The following GRM1 variants were observed in gnomAD, a reference collection of about 807,000 sequenced individuals.
GRM1 encodes metabotropic glutamate receptor 1.
GRM1 carries 33 observed loss-of-function variants against 90.9 expected under a neutral mutation model. That is an observed-to-expected ratio of 0.36 (90% confidence interval 0.28 to 0.49). GRM1 has a LOEUF of 0.49. GRM1 is among the 20% of genes least tolerant of loss of function. The pLI is 0.99. For synonymous variants in GRM1, 700 were observed against 613.2 expected (o/e 1.14, Z -2.09); for missense variants, 1,190 against 1,534.3 (o/e 0.78, Z 3.75).
At chr6:146,146,145 G>A (rs183637784) in intron 1 of GRM1, among the ~76,000 whole-genome samples, 8 of 54,244 alleles carry the variant, frequency 1.5e-4, no homozygotes, top group African/African-American at 4.3e-4. Flanking sequence ...TTTTTGAGAC[G>A]TGGCGCCATC....
chr6:146,346,258 G>T (rs952336301), intron 3 of GRM1, among the ~76,000 whole-genome samples: 8 of 152,324 alleles, frequency 5.3e-5, no homozygotes, highest in African/African-American at 1.9e-4. Context: ...TTTAACAATA[G>T]ATTGGAATGA....
chr6:146,080,672 G>A (rs1776335958), intron 1 of GRM1, among the ~76,000 whole-genome samples: 1 of 152,186 alleles, frequency 6.6e-6, no homozygotes, highest in East Asian at 1.9e-4. Flanking sequence ...GTGTGGGATG[G>A]GGTTGGGTGG....
At position 146,173,569 on chromosome 6, in the gene GRM1, TA is replaced by T. The variant is rs1778223192; in HGVS notation, c.950+13977del. ...CCACTGCCTTAATCATTCTAGACAG[TA>T]AAAATAAATAACTTCTCTCACTGAT... On this transcript the variant is annotated intron_variant, in intron 2 of 7. Transcript: ENST00000282753. Among the ~76,000 whole-genome samples the T allele has an allele frequency of 1.3e-5, 2 of 151,934 alleles. 1 individual carries two copies. Among genetic ancestry groups the T allele is most frequent in the South Asian group, 4.1e-4 (2 of 4,822 alleles).
At chr6:146,304,174 C>T (rs1296698145) in intron 2 of GRM1, among the ~76,000 whole-genome samples, 1 of 152,110 alleles carries the variant, frequency 6.6e-6, no homozygotes, top group African/African-American at 2.4e-5. Context: ...TGTAAGGTAG[C>T]TCATGTAATG....
At chr6:146,325,546 G>A (rs1302945489) in intron 3 of GRM1, among the ~76,000 whole-genome samples, 2 of 152,182 alleles carry the variant, frequency 1.3e-5, no homozygotes, top group African/African-American at 2.4e-5. Flanking sequence ...CAGCCTGGCT[G>A]TACCATGCTC....
intron 1 of GRM1, among the ~76,000 whole-genome samples, chr6:146,049,431 T>G (rs1225751951): frequency 2.0e-5 from 3 of 152,034 alleles, no homozygotes; most frequent in African/African-American, 7.2e-5. Context: ...GATTTACGAC[T>G]TTGAACTCCA....
At chr6:146,335,000 G>GA (rs1262214274) in intron 3 of GRM1, among the ~76,000 whole-genome samples, 2 of 152,050 alleles carry the variant, frequency 1.3e-5, no homozygotes, top group Non-Finnish European at 2.9e-5. Context: ...AATTTAATGA[G>GA]AAAAAATTAT....
chr6:146,167,108 T>G (rs1777937801), intron 2 of GRM1, among the ~76,000 whole-genome samples: 1 of 152,116 alleles, frequency 6.6e-6, no homozygotes, highest in South Asian at 2.1e-4. Flanking sequence ...ACTTTGGCTT[T>G]TTCTAGAATT....
intron 1 of GRM1, among the ~76,000 whole-genome samples, chr6:146,134,275 GT>G (rs1776522365): frequency 6.6e-6 from 1 of 152,226 alleles, no homozygotes; most frequent in African/African-American, 2.4e-5. Flanking sequence ...AAAATGGCAT[GT>G]TGTGGGTTTC....
At chr6:146,333,809 T>A (rs1013607729) in intron 3 of GRM1, among the ~76,000 whole-genome samples, 5 of 151,972 alleles carry the variant, frequency 3.3e-5, no homozygotes, top group African/African-American at 1.2e-4. Context: ...CCTAGAAAGG[T>A]TTATGAGCTG....
chr6:146,289,372 G>A lies in GRM1; in HGVS notation c.951-15239G>A, dbSNP rs545013092. Reference sequence around the variant, plus strand: ...TAAAAAGTGACGTAATTAGAAAAACGTCTATGGAATAAAGATATAAAAAAT... The same window carrying A: ...TAAAAAGTGACGTAATTAGAAAAACATCTATGGAATAAAGATATAAAAAAT... On this transcript the variant is annotated intron_variant, in intron 2 of 7. Transcript: ENST00000282753. Among the ~76,000 whole-genome samples the A allele has an allele frequency of 1.1e-4, 16 of 152,206 alleles. No individual in the cohort carries two copies. The East Asian group carries it at 1.7e-3, about 17-fold the overall frequency.
intron 2 of GRM1, among the ~76,000 whole-genome samples, chr6:146,279,383 C>T (rs1485937212): frequency 6.6e-6 from 1 of 151,938 alleles, no homozygotes; most frequent in East Asian, 1.9e-4. Context: ...TATTAATTTG[C>T]TAGGTTACTA....
chr6:146,065,890 G>A (rs1192508918), intron 1 of GRM1, among the ~76,000 whole-genome samples: 1 of 152,034 alleles, frequency 6.6e-6, no homozygotes, highest in Non-Finnish European at 1.5e-5. Flanking sequence ...GCTCCATGTG[G>A]TTGTATAAGT....
intron 1 of GRM1, among the ~76,000 whole-genome samples, chr6:146,039,084 A>G (rs190572291): frequency 8.5e-5 from 13 of 152,120 alleles, no homozygotes; most frequent in Admixed American, 2.0e-4. Context: ...GACCAATGCT[A>G]TAGTCATTGA....
At chr6:146,071,686 A>G (rs1028263281) in intron 1 of GRM1, among the ~76,000 whole-genome samples, 1 of 152,122 alleles carries the variant, frequency 6.6e-6, no homozygotes, top group Non-Finnish European at 1.5e-5. Flanking sequence ...CTTATTAGGG[A>G]TGGGAAGGAA....
At chr6:146,218,665 A>G (rs986355861) in intron 2 of GRM1, among the ~76,000 whole-genome samples, 2 of 152,208 alleles carry the variant, frequency 1.3e-5, no homozygotes, top group African/African-American at 2.4e-5. Flanking sequence ...TCACTTAATT[A>G]TATGGGTAGT....
chr6:146,063,756 A>G (rs1333559580), intron 1 of GRM1, among the ~76,000 whole-genome samples: 1 of 152,128 alleles, frequency 6.6e-6, no homozygotes, highest in Non-Finnish European at 1.5e-5. Flanking sequence ...TATCAACATT[A>G]TGAATCCATA....
chr6:146,336,159 G>A (rs967964391), intron 3 of GRM1, among the ~76,000 whole-genome samples: 5 of 152,154 alleles, frequency 3.3e-5, no homozygotes, highest in Non-Finnish European at 5.9e-5. Context: ...GTTTGGATGT[G>A]GAGTGGGAGA....
intron 1 of GRM1, among the ~76,000 whole-genome samples, chr6:146,106,513 A>G (rs1396090140): frequency 6.6e-6 from 1 of 152,238 alleles, no homozygotes; most frequent in Non-Finnish European, 1.5e-5. Context: ...CTCTTTGAAC[A>G]GTAGTGTCCC....
Sources: allele counts gnomAD v4.1 joint callset (sites outside exome capture counted in the v4.1 genomes callset), GRCh38; gene constraint gnomAD v4.1.1; transcripts MANE v1.5; gene names NCBI Gene and HGNC (gene_info 2026-07-23, HGNC 2026-07-21).